Variants in ASPSCR1 observed in about 807,000 individuals in gnomAD.
ASPSCR1 encodes the protein ASPSCR1 tether for SLC2A4, UBX domain containing.
In ASPSCR1, 55 loss-of-function variants were observed where a neutral mutation model predicts 68.9. The ratio of observed to expected loss-of-function variants is 0.80; its 90% CI spans 0.64 to 1.00. The LOEUF is 1.00. Ranked by LOEUF, ASPSCR1 falls within the 50% of genes least tolerant of loss-of-function variation. The pLI, the probability that ASPSCR1 is intolerant of heterozygous loss-of-function variation, is 0.00. For missense variants in ASPSCR1, 765 were observed against 762.2 expected (o/e 1.00, Z -0.04); for synonymous variants, 352 against 332.6 (o/e 1.06, Z -0.63).
intron 7 of ASPSCR1, among the ~76,000 whole-genome samples, chr17:81,997,828 C>CT (rs372497074): frequency 0.023 from 2,974 of 126,952 alleles, 87 homozygotes; most frequent in African/African-American, 0.072. Context: ...GAGGCACCCA[C>CT]TTTTTTTTTT....
chr17:81,985,247 CATAT>C (rs986997071), intron 3 of ASPSCR1, among the ~76,000 whole-genome samples: 5 of 152,010 alleles, frequency 3.3e-5, no homozygotes, highest in African/African-American at 7.3e-5. Context: ...CCCACACACA[CATAT>C]GCACACACGC....
At position 81,990,342 on chromosome 17, in the gene ASPSCR1, G is replaced by A. The variant is rs542046352; in HGVS notation, c.375-4479G>A. Among the ~76,000 whole-genome samples the A allele has an allele frequency of 2.0e-5, 3 of 152,290 alleles. No individual in the cohort carries two copies. The highest frequency in any genetic ancestry group is 2.1e-4 in the South Asian group (1 of 4,824). On this transcript the variant is annotated intron_variant, in intron 4 of 15. Coordinates refer to ENST00000306739, the MANE Select transcript of ASPSCR1 (RefSeq NM_024083.4). This position sits in a 1 kb window ranked among gnomAD's most constrained non-coding sequence, Gnocchi z 4.1. ...TCTCAGGCTCTGCTGCAGGGAGGGC[G>A]TCAGGAGACAGAGGCTGCACACTGC...
In ASPSCR1 at chr17:81,996,833, A is replaced by G. The variant is rs764048749; in HGVS notation, c.920A>G (p.Gln307Arg). 20 of 1,600,106 alleles carry G rather than the reference A, an allele frequency of 1.2e-5. No homozygotes were observed. The highest frequency in any genetic ancestry group is 4.0e-5 in the African/African-American group (3 of 74,182). Residue 307 changes from glutamine to arginine, a missense_variant, in exon 7 of 16, where the codon CAG becomes CGG. Gln to Arg is a conservative substitution (Grantham distance 43). Coordinates refer to ENST00000306739, the MANE Select transcript of ASPSCR1 (RefSeq NM_024083.4). Reference sequence around the variant, plus strand: ...CGGGAGCGGGATCCCCAGCAGGAGCAGGAGCGGGAGCGGGTAAAAGGGGCT... The same window carrying G: ...CGGGAGCGGGATCCCCAGCAGGAGCGGGAGCGGGAGCGGGTAAAAGGGGCT... ...QERERDPQQE[Q>R]ERERPVDREP... is the part of the protein sequence containing the mutation.
chr17:82,016,762 T>A, intron 13 of ASPSCR1, 38 bp from the exon 14 acceptor site: 1 of 1,595,276 alleles, frequency 6.3e-7, no homozygotes, highest in South Asian at 1.1e-5. Context: ...AGTGGACCCC[T>A]CCTCAGAGGC....
intron 7 of ASPSCR1, among the ~76,000 whole-genome samples, chr17:81,998,402 C>G (rs1330224593): frequency 6.6e-6 from 1 of 152,176 alleles, no homozygotes; most frequent in African/African-American, 2.4e-5. Context: ...CCTTTGTCCT[C>G]TCATCGTTTT....
chr17:82,016,894 A>G (rs1490080398), intron 14 of ASPSCR1, 25 bp downstream of exon 14: 3 of 1,611,890 alleles, frequency 1.9e-6, no homozygotes, highest in Non-Finnish European at 2.5e-6. Flanking sequence ...GTCTGGGGGC[A>G]CCTCCCGTGG....
chr17:81,995,789 G>A (rs1323994232), intron 5 of ASPSCR1, among the ~76,000 whole-genome samples: 1 of 152,234 alleles, frequency 6.6e-6, no homozygotes, highest in Non-Finnish European at 1.5e-5. Flanking sequence ...ATGGGCAGCA[G>A]GTCCTGCCCC....
chr17:82,005,394 G>T (rs1250620233), intron 7 of ASPSCR1: 1 of 152,200 alleles, frequency 6.6e-6, no homozygotes, highest in Non-Finnish European at 1.5e-5. Context: ...GTGCCCCGTG[G>T]GTCGGCAGGT....
chr17:81,992,105 C>T (rs555094029), intron 4 of ASPSCR1, among the ~76,000 whole-genome samples: 3 of 152,374 alleles, frequency 2.0e-5, no homozygotes, highest in East Asian at 1.9e-4. Context: ...AGCAGGCACC[C>T]GCGGAAGCGC....
At chr17:81,995,187 G>A in intron 5 of ASPSCR1, 3 of 480,772 alleles carry the variant, frequency 6.2e-6, no homozygotes, top group Non-Finnish European at 1.1e-5. Context: ...GTGTGGCGTG[G>A]CGCAAGCAAA....
At position 81,987,447 on chromosome 17, in the gene ASPSCR1, C is replaced by T. The variant is rs540752440; in HGVS notation, c.374+1840C>T. 2.6e-5 allele frequency among the ~76,000 whole-genome samples: 4 copies of T among 152,316 alleles called. No individual in the cohort carries two copies. Among genetic ancestry groups the T allele is most frequent in the Admixed American group, 2.0e-4 (3 of 15,306 alleles). ...TGGAAGGAAATGCCCCTGGGCCGGG[C>T]GGTGCCCCCGGGCGTGAACAGAATC... On this transcript the variant is annotated intron_variant, in intron 4 of 15. Transcript: ENST00000306739. The surrounding 1 kb of genome is among the most constrained non-coding windows in gnomAD (Gnocchi z 5.6).
At chr17:81,979,456 C>T (rs1567950091) in intron 2 of ASPSCR1, among the ~76,000 whole-genome samples, 2 of 152,206 alleles carry the variant, frequency 1.3e-5, no homozygotes, top group East Asian at 1.9e-4. Flanking sequence ...TGGCTCCAAG[C>T]GTTCTGTGGC....
At position 82,017,374 on chromosome 17, in the gene ASPSCR1, G is replaced by T; in HGVS notation, c.*52G>T. 11 of 1,611,446 alleles carry T rather than the reference G, an allele frequency of 6.8e-6. No individual in the cohort carries two copies. The highest frequency in any genetic ancestry group is 9.3e-6 in the Non-Finnish European group (11 of 1,179,414). On this transcript the variant is annotated 3_prime_UTR_variant, in exon 16 of 16. Coordinates refer to ENST00000306739, the MANE Select transcript of ASPSCR1 (RefSeq NM_024083.4). ...CGCCAGCCACAGGACCACCTCCTCT[G>T]CCAGCAGGAATAAAGACTTGTGCAT...
intron 8 of ASPSCR1, 125 bp from the exon 9 acceptor site, chr17:82,009,361 C>A: frequency 7.4e-7 from 1 of 1,357,698 alleles, no homozygotes; most frequent in Non-Finnish European, 9.9e-7. Context: ...GCGTCCAGAC[C>A]TTCCTGCCTT....
chr17:81,988,865 T>C (rs1398244281), intron 4 of ASPSCR1, among the ~76,000 whole-genome samples: 1 of 152,144 alleles, frequency 6.6e-6, no homozygotes, highest in Non-Finnish European at 1.5e-5. Flanking sequence ...CCCCAGCTTC[T>C]CCTGTGGGCT....
At chr17:81,984,860 ACCTGCACACCCCCGCACACACACC>A (rs2041919055) in intron 3 of ASPSCR1, among the ~76,000 whole-genome samples, 1 of 54,976 alleles carries the variant, frequency 1.8e-5, no homozygotes, top group Non-Finnish European at 3.3e-5. Context: ...CCCCACACAC[ACCTGCACACCCCCGCACACACACC>A]CCCCACACAC....
At chr17:82,011,018 G>C in intron 10 of ASPSCR1, 150 bp downstream of exon 10, 1 of 900,030 alleles carries the variant, frequency 1.1e-6, no homozygotes, top group Non-Finnish European at 1.7e-6. Context: ...CCCCTTGGGG[G>C]TGCAGAGGCA....
Position 82,016,814 on chromosome 17 carries a change from C to T in ASPSCR1, c.1420C>T (p.Pro474Ser). The stretch of plus-strand genomic sequence containing the variant: ...CCTCCCTGCAGGTGTCTACCTGGAG[C>T]CTGGCCTGCTGGAGCATGCCATCTC... ...AEEPAGVYLE[P>S]GLLEHAISPS... The change falls in exon 14 of 16, where the codon CCT becomes TCT. Residue 474 changes from proline to serine, a missense_variant. By Grantham distance (74) the Pro-to-Ser change is moderately conservative (BLOSUM62 -1). Transcript: ENST00000306739. The T allele has an allele frequency of 6.2e-7, 1 of 1,610,634 alleles. No homozygotes were observed.
At chr17:82,015,002 G>A (rs1006466410) in intron 12 of ASPSCR1, 5 of 1,472,476 alleles carry the variant, frequency 3.4e-6, no homozygotes, top group Admixed American at 4.3e-5. Flanking sequence ...CCCTCAGCCT[G>A]TGCCTCCCTC....
Sources: gnomAD v4.1 joint callset for allele counts (sites outside exome capture counted in the v4.1 genomes callset) on GRCh38, gnomAD v4.1.1 for gene constraint, Gnocchi (gnomAD v3.1) non-coding constraint, MANE v1.5 for transcripts, NCBI Gene and HGNC (gene_info 2026-07-23, HGNC 2026-07-21) for gene names.